Variants in USP24 observed in about 807,000 individuals in gnomAD.
USP24 encodes ubiquitin specific peptidase 24, also known as ubiquitin carboxyl-terminal hydrolase 24.
Under a neutral mutation model 361.6 loss-of-function variants are expected in USP24, and 97 were observed. That is an observed-to-expected ratio of 0.27 (90% confidence interval 0.23 to 0.32). The LOEUF (loss-of-function observed/expected upper bound fraction) is 0.32, where lower values mean the gene tolerates loss of function less well. Among genes scored for constraint, USP24 ranks in the 10% least tolerant of loss-of-function variants. The pLI is 1.00. For synonymous variants in USP24, 1,098 were observed against 1,124.6 expected, an observed-to-expected ratio of 0.98 and a Z score of 0.47; for missense variants, 2,353 against 3,165.6, an observed-to-expected ratio of 0.74 and a Z score of 6.16.
In USP24 at chr1:55,146,999, C is replaced by A; in HGVS notation, c.2180G>T (p.Gly727Val). The A allele has an allele frequency of 6.2e-7, 1 of 1,605,906 alleles. No individual in the cohort carries two copies. Among genetic ancestry groups the A allele is most frequent in the South Asian group, 1.1e-5 (1 of 90,064 alleles). The stretch of plus-strand genomic sequence containing the variant: ...CCAGATCTCCTTGGCACGATTCCAG[C>A]CCAGATACAGAGTAGCTTCTTGCAA... ...FFLQEATLYL[G>V]WNRAKEIWEC... The change falls in exon 19 of 68, where the codon GGC becomes GTC. Residue 727 changes from glycine (G) to valine (V), a missense_variant. Gly to Val is a moderately radical substitution (Grantham distance 109, BLOSUM62 -3). Transcript: ENST00000294383.
At chr1:55,200,228 T>C (rs1276729005) in intron 1 of USP24, among the ~76,000 whole-genome samples, 3 of 152,244 alleles carry the variant, frequency 2.0e-5, no homozygotes, top group East Asian at 3.8e-4. Context: ...CATTTTCTAA[T>C]ATTTTACTAA....
At chr1:55,133,017 A>T (rs1392109863) in intron 30 of USP24, among the ~76,000 whole-genome samples, 1 of 152,214 alleles carries the variant, frequency 6.6e-6, no homozygotes, top group Non-Finnish European at 1.5e-5. Flanking sequence ...ACTGATAATA[A>T]AATTATAAGA....
intron 39 of USP24, among the ~76,000 whole-genome samples, chr1:55,107,860 A>AAAAC (rs1401833741): frequency 6.7e-6 from 1 of 150,212 alleles, no homozygotes; most frequent in African/African-American, 2.4e-5. Flanking sequence ...AAAAAAAAAA[A>AAAAC]AAAAAACACA....
chr1:55,214,670 C>G (rs1644939762), intron 1 of USP24, 120 bp downstream of exon 1: 2 of 874,278 alleles, frequency 2.3e-6, no homozygotes, highest in Non-Finnish European at 2.9e-6. Flanking sequence ...TCCGCCCCGC[C>G]CCCACTAAAG....
intron 55 of USP24, 39 bp from the exon 56 acceptor site, chr1:55,086,077 C>T (rs376774466): frequency 1.4e-5 from 22 of 1,589,872 alleles, no homozygotes; most frequent in Non-Finnish European, 1.6e-5. Flanking sequence ...AAGCAAGATA[C>T]ATTTCCACAA....
chr1:55,083,648 CA>C, intron 57 of USP24, 123 bp downstream of exon 57: 1 of 794,844 alleles, frequency 1.3e-6, no homozygotes. Flanking sequence ...ATATAATTCA[CA>C]AGATTTTTAG....
At chr1:55,196,483 T>C (rs1644422038) in intron 1 of USP24, among the ~76,000 whole-genome samples, 1 of 152,140 alleles carries the variant, frequency 6.6e-6, no homozygotes, top group Non-Finnish European at 1.5e-5. Context: ...ATATCTAAGA[T>C]TGTTTTTCAT....
Position 55,151,889 on chromosome 1 carries a change from A to C in USP24, c.1860+1981T>G, listed in dbSNP as rs1316305408. On this transcript the variant is annotated intron_variant, in intron 16 of 67. Coordinates refer to ENST00000294383, the MANE Select transcript of USP24 (RefSeq NM_015306.3). Reference sequence around the variant, plus strand: ...GGTAGCTGAGGGTGGGAGGGGAGTAAGAAGTGGGTGATCTTGTCTTACCCT... The same window carrying C: ...GGTAGCTGAGGGTGGGAGGGGAGTACGAAGTGGGTGATCTTGTCTTACCCT... 5 of 985,658 alleles carry C rather than the reference A, an allele frequency of 5.1e-6. No homozygotes were observed. The East Asian group carries it at 5.7e-4, about 112-fold the overall frequency. 61.1% of individuals were successfully genotyped at this position (985,658 alleles called of 1,614,324 possible).
intron 1 of USP24, 127 bp from the exon 2 acceptor site, chr1:55,178,259 C>T: frequency 2.1e-6 from 2 of 945,198 alleles, no homozygotes; most frequent in South Asian, 1.6e-5. Context: ...ATGGATTCTA[C>T]CTTTCTTTCC....
chr1:55,205,872 T>G (rs1644690365), intron 1 of USP24, among the ~76,000 whole-genome samples: 1 of 152,194 alleles, frequency 6.6e-6, no homozygotes, highest in Non-Finnish European at 1.5e-5. Flanking sequence ...CAAAATTAAG[T>G]ATGCATATTT....
At position 55,097,658 on chromosome 1, in the gene USP24, T is replaced by C. The variant is rs1245791363; in HGVS notation, c.5655A>G (p.Leu1885=). Residue 1885 remains leucine, a synonymous_variant, in exon 48 of 68, where the codon CTA becomes CTG. Transcript: ENST00000294383. ...TTTCCCAGTCAAACCCAAATCTCAT[T>C]AGGTGAATTACCAAGACGCTAGGTA... ...KSLPSVLVIH[L]MRFGFDWESG... 2 of 1,590,774 alleles carry C rather than the reference T, an allele frequency of 1.3e-6. No individual in the cohort carries two copies. The highest frequency in any genetic ancestry group is 1.8e-5 in the Admixed American group (1 of 57,014).
At chr1:55,094,244 T>A (rs371125404) in intron 51 of USP24, among the ~76,000 whole-genome samples, 157 bp from the exon 52 acceptor site, 2 of 152,150 alleles carry the variant, frequency 1.3e-5, no homozygotes, top group African/African-American at 4.8e-5. Context: ...TATACAATCA[T>A]AATGTAACAA....
intron 20 of USP24, among the ~76,000 whole-genome samples, chr1:55,144,600 G>A (rs1646978753): frequency 6.6e-6 from 1 of 152,100 alleles, no homozygotes; most frequent in Non-Finnish European, 1.5e-5. Context: ...CATATAAATA[G>A]ATGCTTAATA....
intron 7 of USP24, among the ~76,000 whole-genome samples, chr1:55,163,981 T>C (rs1047318034): frequency 6.6e-6 from 1 of 152,144 alleles, no homozygotes; most frequent in Admixed American, 6.6e-5. Context: ...TCTCTAGGTA[T>C]TGATCTTTCA....
intron 1 of USP24, among the ~76,000 whole-genome samples, chr1:55,201,001 T>C (rs948375534): frequency 6.6e-6 from 1 of 152,220 alleles, no homozygotes; most frequent in African/African-American, 2.4e-5. Flanking sequence ...GTATACATTA[T>C]AAAGACACCG....
rs367706540 is a variant in USP24 at position 55,103,971 on chromosome 1, A to G, written c.4930T>C (p.Leu1644=). 2 of 1,611,540 alleles carry G rather than the reference A, an allele frequency of 1.2e-6. No homozygotes were observed. The highest frequency in any genetic ancestry group is 1.7e-6 in the Non-Finnish European group (2 of 1,178,758). Residue 1644 remains leucine, a synonymous_variant, in exon 42 of 68, where the codon TTG becomes CTG. Transcript: ENST00000294383. The stretch of plus-strand genomic sequence containing the variant: ...AGATTTGAAGGTGAACTATCAGCCA[A>G]CATCACAAGGACTTCATAGGCTGCC... ...RLAAYEVLVM[L]ADSSPSNLQI...
Position 55,214,993 on chromosome 1 carries a change from G to A in USP24, c.121C>T (p.Leu41Phe). ...KNDINEAVAL[L>F]TNERPGLDYG... ...TCGAGGCCCGGCCGCTCGTTGGTGA[G>A]CAGTGCCACGGCCTCGTTAATGTCG... Residue 41 changes from leucine (L) to phenylalanine (F), a missense_variant, in exon 1 of 68, where the codon CTC (leucine) becomes TTC (phenylalanine). Leu to Phe is a conservative substitution (Grantham distance 22). This residue lies in a region of USP24 where 253 missense variants were observed against 255.3 expected (regional missense o/e 0.99). Transcript: ENST00000294383. 1 of 1,458,572 alleles carries A rather than the reference G, an allele frequency of 6.9e-7. No individual in the cohort carries two copies. Among genetic ancestry groups the A allele is most frequent in the Non-Finnish European group, 9.1e-7 (1 of 1,103,426 alleles). 90.4% of individuals were successfully genotyped at this position (1,458,572 alleles called of 1,614,324 possible). A position where few individuals can be genotyped will look rare whatever the true frequency, so the allele number is the denominator to read the frequency against.
At chr1:55,098,112 A>C in intron 46 of USP24, 28 bp from the exon 47 acceptor site, 1 of 1,564,184 alleles carries the variant, frequency 6.4e-7, no homozygotes, top group Non-Finnish European at 8.6e-7. Flanking sequence ...GAAAACCCAC[A>C]ATCAACAATG....
chr1:55,115,241 G>A (rs115465289), intron 38 of USP24, among the ~76,000 whole-genome samples: 3,250 of 152,042 alleles, frequency 0.021, 48 homozygotes, highest in Non-Finnish European at 0.035. Flanking sequence ...AAACAAGGCC[G>A]GGCGCGGTGG....
Sources: allele counts gnomAD v4.1 joint callset (sites outside exome capture counted in the v4.1 genomes callset), GRCh38; gene constraint gnomAD v4.1.1; regional missense constraint gnomAD v4.1.1; transcripts MANE v1.5; gene names NCBI Gene and HGNC (gene_info 2026-07-23, HGNC 2026-07-21).